The following TRIM60 variants were observed in gnomAD, a reference collection of about 807,000 sequenced individuals.
TRIM60 encodes tripartite motif-containing protein 60.
For missense variants in TRIM60, 524 were observed against 540.8 expected, an observed-to-expected ratio of 0.97 and a Z score of 0.31; for synonymous variants, 189 against 195.2, an observed-to-expected ratio of 0.97 and a Z score of 0.27.
At chr4:165,032,539 G>C (rs1384499209) in intron 1 of TRIM60, among the ~76,000 whole-genome samples, 1 of 152,080 alleles carries the variant, frequency 6.6e-6, no homozygotes, top group African/African-American at 2.4e-5. Context: ...GTGAGCCACC[G>C]TGCTCGGCCG....
intron 2 of TRIM60, 79 bp downstream of exon 2, chr4:165,039,331 A>C (rs1733693159): frequency 6.6e-6 from 1 of 152,084 alleles, no homozygotes; most frequent in Non-Finnish European, 1.5e-5. Flanking sequence ...CCCCCATAAA[A>C]TTTTACCCAG....
rs1733751297 is a variant in TRIM60 at position 165,041,039 on chromosome 4, A to T, written c.967A>T (p.Lys323Ter). The change falls in exon 3 of 3, where the codon AAA (lysine) becomes TAA (stop). Residue 323 changes from lysine to a stop codon, truncating the protein, a stop_gained. Coordinates refer to ENST00000512596, the MANE Select transcript of TRIM60 (RefSeq NM_152620.3). LOFTEE classifies it low-confidence loss of function (END_TRUNC). ...AAAAGCTGTGCGATATGAAAGAAAA[A>T]AACGAAACATTTGTTATGACCCAAG... ...DRKAVRYERK[K>*]RNICYDPRRF... is the part of the protein sequence containing the mutation. The T allele has an allele frequency of 6.2e-7, 1 of 1,614,028 alleles. No homozygotes were observed. Among genetic ancestry groups the T allele is most frequent in the Non-Finnish European group, 8.5e-7 (1 of 1,179,900 alleles).
In TRIM60 at chr4:165,041,100, A is replaced by G; in HGVS notation, c.1028A>G (p.Gln343Arg). ...FYVCPAVLGS[Q>R]RFSSGRHYWE... Reference sequence around the variant, plus strand: ...GTCTGCCCTGCTGTCCTAGGCTCTCAGAGATTTAGTTCTGGCCGACATTAC... The same window carrying G: ...GTCTGCCCTGCTGTCCTAGGCTCTCGGAGATTTAGTTCTGGCCGACATTAC... The change falls in exon 3 of 3, where the codon CAG (glutamine) becomes CGG (arginine). Residue 343 changes from glutamine to arginine, a missense_variant. Physicochemically the swap from Gln to Arg is conservative, Grantham distance 43. Coordinates refer to ENST00000512596, the MANE Select transcript of TRIM60 (RefSeq NM_152620.3). 1.2e-6 allele frequency: 2 copies of G among 1,614,218 alleles called. No individual in the cohort carries two copies. The highest frequency in any genetic ancestry group is 8.5e-7 in the Non-Finnish European group (1 of 1,180,038).
chr4:165,040,105 A>G lies in TRIM60; in HGVS notation c.33A>G (p.Gln11=), dbSNP rs754047140. 27 of 1,613,028 alleles carry G rather than the reference A, an allele frequency of 1.7e-5. No individual in the cohort carries two copies. Among genetic ancestry groups the G allele is most frequent in the African/African-American group, 2.7e-5 (2 of 74,894 alleles). The change falls in exon 3 of 3, where the codon CAA becomes CAG. Residue 11 remains glutamine, a synonymous_variant. Coordinates refer to ENST00000512596, the MANE Select transcript of TRIM60 (RefSeq NM_152620.3). ...TTGTGACAGCCCTGGTGAACCTCCAAGAGGAGTCTAGCTGTCCCATCTGTC... is the reference window on the plus strand; with the variant it reads ...TTGTGACAGCCCTGGTGAACCTCCAGGAGGAGTCTAGCTGTCCCATCTGTC... The part of the protein sequence containing the change: MEFVTALVNL[Q]EESSCPICLE...
rs1322537600 is a variant in TRIM60 at position 165,040,553 on chromosome 4, G to C, written c.481G>C (p.Val161Leu). 2 of 1,613,970 alleles carry C rather than the reference G, an allele frequency of 1.2e-6. No homozygotes were observed. The highest frequency in any genetic ancestry group is 1.3e-5 in the African/African-American group (1 of 74,904). ...GAATAATATAGAACGAGTTGAAAAA[G>C]TGATAATTCTGCAAGGCAGCAAATC... ...LRNNIERVEK[V>L]IILQGSKSVE... is the part of the protein sequence containing the mutation. The change falls in exon 3 of 3, where the codon GTG becomes CTG. Residue 161 changes from valine to leucine, a missense_variant. Coordinates refer to ENST00000512596, the MANE Select transcript of TRIM60 (RefSeq NM_152620.3).
At chr4:165,038,959 G>A (rs910215560) in intron 1 of TRIM60, among the ~76,000 whole-genome samples, 6 of 152,034 alleles carry the variant, frequency 3.9e-5, no homozygotes, top group Non-Finnish European at 8.8e-5. Context: ...CTTCTTGGGA[G>A]GCTGAGGCTG....
chr4:165,039,944 A>G, intron 2 of TRIM60, 125 bp from the exon 3 acceptor site: 1 of 676,560 alleles, frequency 1.5e-6, no homozygotes, highest in Non-Finnish European at 2.5e-6. Context: ...ATGCTAGGCT[A>G]GTGAAACCTA....
At chr4:165,035,703 GC>G (rs1268912855) in intron 1 of TRIM60, among the ~76,000 whole-genome samples, 15 of 151,614 alleles carry the variant, frequency 9.9e-5, no homozygotes, top group African/African-American at 3.6e-4. Context: ...GGTGTAGTAA[GC>G]CACTCTTTTT....
In TRIM60 at chr4:165,039,872, T is replaced by C. The variant is rs549840608; in HGVS notation, c.-4-197T>C. On this transcript the variant is annotated intron_variant, in intron 2 of 2. Transcript: ENST00000512596. ...TAGAGCTGTAAGCTTTGAATTATTATATTATTATCCTCCAAGCTAAGGAGC... is the reference window on the plus strand; with the variant it reads ...TAGAGCTGTAAGCTTTGAATTATTACATTATTATCCTCCAAGCTAAGGAGC... Among the ~76,000 whole-genome samples the C allele has an allele frequency of 3.4e-5, 5 of 148,090 alleles. No individual in the cohort carries two copies. In the South Asian group the frequency reaches 1.1e-3, roughly 31 times the overall value.
intron 1 of TRIM60, among the ~76,000 whole-genome samples, chr4:165,035,844 TC>T (rs1368314066): frequency 2.0e-5 from 3 of 152,202 alleles, no homozygotes; most frequent in African/African-American, 7.2e-5. Context: ...TGCCTTAGCC[TC>T]CCAAGTAGCT....
At position 165,041,084 on chromosome 4, in the gene TRIM60, G is replaced by C. The variant is rs1448899597; in HGVS notation, c.1012G>C (p.Ala338Pro). 1.2e-6 allele frequency: 2 copies of C among 1,614,178 alleles called. No individual in the cohort carries two copies. Among genetic ancestry groups the C allele is most frequent in the South Asian group, 2.2e-5 (2 of 91,086 alleles). The change falls in exon 3 of 3, where the codon GCT (alanine) becomes CCT (proline). Residue 338 changes from alanine (A) to proline (P), a missense_variant. By Grantham distance (27) the Ala-to-Pro change is conservative. Transcript: ENST00000512596. ...CCCAAGGAGATTTTATGTCTGCCCT[G>C]CTGTCCTAGGCTCTCAGAGATTTAG... The part of the protein sequence containing the change: ...YDPRRFYVCP[A>P]VLGSQRFSSG...
At position 165,040,905 on chromosome 4, in the gene TRIM60, G is replaced by T. The variant is rs757806211; in HGVS notation, c.833G>T (p.Ser278Ile). 6.2e-7 allele frequency: 1 copy of T among 1,612,978 alleles called. No homozygotes were observed. Among genetic ancestry groups the T allele is most frequent in the South Asian group, 1.1e-5 (1 of 90,948 alleles). The change falls in exon 3 of 3, where the codon AGT (serine) becomes ATT (isoleucine). Residue 278 changes from serine to isoleucine, a missense_variant. Physicochemically the swap from Ser to Ile is moderately radical, Grantham distance 142. Transcript: ENST00000512596. ...FSFRLTKYGF[S>I]LPPQYSGLDR... is the part of the protein sequence containing the mutation. Reference sequence around the variant, plus strand: ...TTTAGATTAACAAAATATGGTTTCAGTCTTCCTCCTCAATATTCTGGCTTG... The same window carrying T: ...TTTAGATTAACAAAATATGGTTTCATTCTTCCTCCTCAATATTCTGGCTTG...
rs1733760492 is a variant in TRIM60, at chr4:165,041,293, G to C, written c.1221G>C (p.Leu407=). ...VASGPKTTQL[L]PVVKPSKIGI... ...CAGGTCCTAAGACAACCCAGCTTCT[G>C]CCAGTAGTAAAACCCAGTAAAATTG... The change falls in exon 3 of 3, where the codon CTG becomes CTC. Residue 407 remains leucine (L), a synonymous_variant. Coordinates refer to ENST00000512596, the MANE Select transcript of TRIM60 (RefSeq NM_152620.3). The C allele has an allele frequency of 2.5e-6, 4 of 1,614,086 alleles. No homozygotes were observed. The highest frequency in any genetic ancestry group is 3.4e-6 in the Non-Finnish European group (4 of 1,180,046).
chr4:165,034,111 T>C (rs1039020156), intron 1 of TRIM60, among the ~76,000 whole-genome samples: 1 of 151,886 alleles, frequency 6.6e-6, no homozygotes, highest in Non-Finnish European at 1.5e-5. Context: ...TTCCAGGATC[T>C]ATGCAGGAAT....
intron 1 of TRIM60, among the ~76,000 whole-genome samples, chr4:165,038,160 C>T (rs906197659): frequency 6.6e-6 from 1 of 152,054 alleles, no homozygotes; most frequent in African/African-American, 2.4e-5. Flanking sequence ...GATCATGACC[C>T]CTTCACCAGT....
chr4:165,041,364 T>C lies in TRIM60; in HGVS notation c.1292T>C (p.Met431Thr), dbSNP rs1282617839. The change falls in exon 3 of 3, where the codon ATG becomes ACG. Residue 431 changes from methionine to threonine, a missense_variant. Physicochemically the swap from Met to Thr is moderately conservative, Grantham distance 81. Transcript: ENST00000512596. Reference protein sequence around the residue: ...YELGDLSFYNMNDRSILYTFN... With the variant: ...YELGDLSFYNTNDRSILYTFN... The stretch of plus-strand genomic sequence containing the variant: ...TTGGGTGATCTTTCCTTTTATAATA[T>C]GAATGATAGGTCTATTCTCTATACT... 2 of 1,614,012 alleles carry C rather than the reference T, an allele frequency of 1.2e-6. No individual in the cohort carries two copies. The highest frequency in any genetic ancestry group is 1.7e-5 in the Admixed American group (1 of 60,028).
chr4:165,036,910 A>G (rs533973261), intron 1 of TRIM60, among the ~76,000 whole-genome samples: 12 of 148,764 alleles, frequency 8.1e-5, no homozygotes, highest in African/African-American at 3.1e-4. Flanking sequence ...AAAAGAAAAA[A>G]AAAGACTGGG....
At chr4:165,036,595 G>T (rs183372260) in intron 1 of TRIM60, among the ~76,000 whole-genome samples, 2 of 152,148 alleles carry the variant, frequency 1.3e-5, no homozygotes, top group African/African-American at 4.8e-5. Flanking sequence ...TAGGCCGGGC[G>T]TGGTGGCTCA....
At position 165,041,434 on chromosome 4, in the gene TRIM60, T is replaced by G. The variant is rs763053812; in HGVS notation, c.1362T>G (p.Thr454=). ...AAGCCGTTTGGCCTTATTTCTATAC[T>G]GGAACAGATTCCGAACCTCTTAAAA... ...FTEAVWPYFY[T]GTDSEPLKIC... Residue 454 remains threonine, a synonymous_variant, in exon 3 of 3, where the codon ACT becomes ACG. Transcript: ENST00000512596. The G allele has an allele frequency of 5.1e-5, 82 of 1,605,162 alleles. No homozygotes were observed. Among genetic ancestry groups the G allele is most frequent in the Non-Finnish European group, 6.9e-5 (81 of 1,175,128 alleles).
Sources: allele counts gnomAD v4.1 joint callset (sites outside exome capture counted in the v4.1 genomes callset), GRCh38; gene constraint gnomAD v4.1.1; transcripts MANE v1.5; gene names NCBI Gene and HGNC (gene_info 2026-07-23, HGNC 2026-07-21).